The following PTPRG variants were observed in gnomAD, a reference collection of about 807,000 sequenced individuals.
The protein encoded by PTPRG is protein tyrosine phosphatase receptor type G.
Under a neutral mutation model 165.3 loss-of-function variants are expected in PTPRG, and 102 were observed. That is an observed-to-expected ratio of 0.62 (90% CI 0.53 to 0.73). The LOEUF (loss-of-function observed/expected upper bound fraction) is 0.73, where lower values mean the gene tolerates loss of function less well. Among genes scored for constraint, PTPRG ranks in the 30% least tolerant of loss-of-function variants. The pLI is 0.00. For synonymous variants in PTPRG, 675 were observed against 669.5 expected (o/e 1.01, Z -0.13); for missense variants, 1,866 against 1,861.4 (o/e 1.00, Z -0.05).
Position 61,699,210 on chromosome 3 carries a change from G to A in PTPRG, c.86-49668G>A, listed in dbSNP as rs538588925. Among the ~76,000 whole-genome samples, 418 of 152,002 alleles carry A rather than the reference G, an allele frequency of 2.7e-3. 1 individual carries two copies. The highest frequency in any genetic ancestry group is 8.9e-3 in the African/African-American group (371 of 41,478). ...AAAAAATTATTTTTCAGATGAGATC[G>A]GGCGCGTTCAGGGTGGTATGGCCGT... On this transcript the variant is annotated intron_variant, in intron 1 of 29. Transcript: ENST00000474889.
chr3:61,939,598 G>A (rs1407962067), intron 2 of PTPRG, among the ~76,000 whole-genome samples: 1 of 152,134 alleles, frequency 6.6e-6, no homozygotes, highest in Non-Finnish European at 1.5e-5. Flanking sequence ...CTGAAATGTT[G>A]GGTTTCTAGT....
At position 62,092,439 on chromosome 3, in the gene PTPRG, G is replaced by GGAAAAAAA. The variant is rs369183881; in HGVS notation, c.615+14181_615+14182insGAAAAAAA. 7.5e-4 allele frequency among the ~76,000 whole-genome samples: 67 copies of GGAAAAAAA among 89,408 alleles called. 2 individuals carry two copies. In the South Asian group the frequency reaches 0.01, roughly 14 times the overall value. The allele number at this position is 89,408 out of a possible 152,430, so 58.7% of individuals were successfully genotyped here. On this transcript the variant is annotated intron_variant, in intron 5 of 29. Coordinates refer to ENST00000474889, the MANE Select transcript of PTPRG (RefSeq NM_002841.4). ...TGGGCAACAGAGCAAGAGTCCATCT[G>GGAAAAAAA]AAAAAAAAAAAAAAAAAAAAGAAAA...
At chr3:62,081,415 T>C (rs2106764849) in intron 5 of PTPRG, among the ~76,000 whole-genome samples, 1 of 152,258 alleles carries the variant, frequency 6.6e-6, no homozygotes, top group Non-Finnish European at 1.5e-5. Context: ...CAATTATGGC[T>C]CACTACAGCC....
At chr3:61,661,438 G>A (rs1052887293) in intron 1 of PTPRG, among the ~76,000 whole-genome samples, 7 of 151,862 alleles carry the variant, frequency 4.6e-5, no homozygotes, top group South Asian at 2.1e-4. Flanking sequence ...TTTATGCTGC[G>A]TATATCTTAT....
intron 4 of PTPRG, among the ~76,000 whole-genome samples, chr3:62,008,238 C>A (rs993601789): frequency 6.6e-6 from 1 of 152,180 alleles, no homozygotes; most frequent in African/African-American, 2.4e-5. Flanking sequence ...CAAAGAGAAA[C>A]CTCCAGATAA....
In PTPRG at chr3:61,638,592, T is replaced by TTTTTTG. The variant is rs1701982273; in HGVS notation, c.85+76225_85+76226insGTTTTT. On this transcript the variant is annotated intron_variant, in intron 1 of 29. Coordinates refer to ENST00000474889, the MANE Select transcript of PTPRG (RefSeq NM_002841.4). ...GGCACACACCACCATGCCTGGCTAG[T>TTTTTTG]TTTTTTTTTTTTTTTTTTTTTTTTT... Among the ~76,000 whole-genome samples the TTTTTTG allele has an allele frequency of 2.0e-4, 3 of 14,990 alleles. No individual in the cohort carries two copies. The South Asian group carries it at 0.01, about 52-fold the overall frequency. The allele number at this position is 14,990 out of a possible 152,430, so 9.8% of individuals were successfully genotyped here.
rs188923329 is a variant in PTPRG at position 61,624,280 on chromosome 3, C to T, written c.85+61908C>T. Among the ~76,000 whole-genome samples, 3 of 152,260 alleles carry T rather than the reference C, an allele frequency of 2.0e-5. No individual in the cohort carries two copies. In the East Asian group the frequency reaches 5.8e-4, roughly 29 times the overall value. ...ATGCTGAATGAAAATCTACCCCCTCCTCCTTCCTTCTGAGTCCTTGTATTA... is the reference window on the plus strand; with the variant it reads ...ATGCTGAATGAAAATCTACCCCCTCTTCCTTCCTTCTGAGTCCTTGTATTA... On this transcript the variant is annotated intron_variant, in intron 1 of 29. Transcript: ENST00000474889.
intron 5 of PTPRG, among the ~76,000 whole-genome samples, chr3:62,106,872 A>G (rs929971644): frequency 6.6e-6 from 1 of 152,218 alleles, no homozygotes; most frequent in Non-Finnish European, 1.5e-5. Flanking sequence ...ACTTATATCC[A>G]GTCTCCTTTC....
chr3:61,645,632 G>T (rs547934625), intron 1 of PTPRG, among the ~76,000 whole-genome samples: 3 of 152,180 alleles, frequency 2.0e-5, no homozygotes, highest in Non-Finnish European at 4.4e-5. Context: ...TCTAGCCCAC[G>T]GGTTGGCAAA....
intron 1 of PTPRG, among the ~76,000 whole-genome samples, chr3:61,641,328 G>T (rs952454727): frequency 3.9e-5 from 6 of 152,132 alleles, no homozygotes; most frequent in Non-Finnish European, 2.9e-5. Flanking sequence ...TGTCCTTATG[G>T]GATGTTTCTA....
At chr3:61,749,031 A>G (rs775591460) in intron 2 of PTPRG, 49 bp downstream of exon 2, 2 of 1,428,498 alleles carry the variant, frequency 1.4e-6, no homozygotes, top group Admixed American at 1.7e-5. Context: ...TTAACATCCC[A>G]TTCAACTCAC....
chr3:62,170,231 A>AT (rs1553644552), intron 8 of PTPRG, among the ~76,000 whole-genome samples: 7 of 150,188 alleles, frequency 4.7e-5, no homozygotes, highest in Non-Finnish European at 8.9e-5. Context: ...ACATGAACTA[A>AT]TTTTTTTTTT....
At chr3:62,046,442 TTATG>T (rs1420372617) in intron 4 of PTPRG, among the ~76,000 whole-genome samples, 5 of 152,188 alleles carry the variant, frequency 3.3e-5, no homozygotes, top group African/African-American at 1.2e-4. Flanking sequence ...AACAAGTACC[TTATG>T]TATACACTTC....
At chr3:61,859,227 C>A (rs990447723) in intron 2 of PTPRG, among the ~76,000 whole-genome samples, 1 of 152,026 alleles carries the variant, frequency 6.6e-6, no homozygotes, top group East Asian at 1.9e-4. Context: ...GAATACCATT[C>A]ATTGGTCATT....
intron 4 of PTPRG, among the ~76,000 whole-genome samples, chr3:62,017,824 G>C (rs1052070494): frequency 6.6e-6 from 1 of 152,172 alleles, no homozygotes; most frequent in Non-Finnish European, 1.5e-5. Flanking sequence ...ATTAGTCAAT[G>C]AGGCCCACGT....
At chr3:62,044,465 G>C (rs896625964) in intron 4 of PTPRG, among the ~76,000 whole-genome samples, 27 of 152,222 alleles carry the variant, frequency 1.8e-4, no homozygotes, top group African/African-American at 6.5e-4. Context: ...CTTGAACCCA[G>C]GAGACAGAGG....
rs376787678 is a variant in PTPRG at position 61,813,619 on chromosome 3, C to A, written c.190+64637C>A. Among the ~76,000 whole-genome samples the A allele has an allele frequency of 4.5e-4, 63 of 139,382 alleles. 1 individual carries two copies. The highest frequency in any genetic ancestry group is 1.6e-3 in the African/African-American group (59 of 37,094). The allele number at this position is 139,382 out of a possible 152,430, so 91.4% of individuals were successfully genotyped here. A position where few individuals can be genotyped will look rare whatever the true frequency, so the allele number is the denominator to read the frequency against. The stretch of plus-strand genomic sequence containing the variant: ...TAGTTGTACTGGCTTATTTTTCAGC[C>A]ATGAAGAGTTCTAGATGCCTTTAAT... On this transcript the variant is annotated intron_variant, in intron 2 of 29. Transcript: ENST00000474889.
intron 1 of PTPRG, among the ~76,000 whole-genome samples, chr3:61,607,450 A>T (rs925715576): frequency 9.2e-6 from 1 of 109,048 alleles, no homozygotes; most frequent in Non-Finnish European, 1.9e-5. Flanking sequence ...AGATGCATCA[A>T]ACACTACTGT....
At chr3:62,090,854 A>G (rs1240639139) in intron 5 of PTPRG, among the ~76,000 whole-genome samples, 1 of 152,150 alleles carries the variant, frequency 6.6e-6, no homozygotes, top group African/African-American at 2.4e-5. Flanking sequence ...TGTTGGAGTG[A>G]GGCGTCTATG....
Sources: allele counts gnomAD v4.1 joint callset (sites outside exome capture counted in the v4.1 genomes callset), GRCh38; gene constraint gnomAD v4.1.1; transcripts MANE v1.5; gene names NCBI Gene and HGNC (gene_info 2026-07-23, HGNC 2026-07-21).